The following VWC2 variants were observed in gnomAD, a reference collection of about 807,000 sequenced individuals.
VWC2 encodes the protein von Willebrand factor C domain containing 2.
A neutral mutation model predicts 29.8 loss-of-function variants in VWC2; 14 were observed. The observed-to-expected ratio is 0.47, with a 90% CI of 0.31 to 0.74. The LOEUF is 0.74. Ranked by LOEUF, VWC2 falls within the 30% of genes least tolerant of loss-of-function variation. The pLI is 0.05. For missense variants in VWC2, 457 were observed against 459.8 expected, an observed-to-expected ratio of 0.99 and a Z score of 0.05; for synonymous variants, 213 against 199.0, an observed-to-expected ratio of 1.07 and a Z score of -0.59.
In VWC2 at chr7:49,877,475, AAAAAAAATATATAT is replaced by A. The variant is rs1484520913; in HGVS notation, c.827-34557_827-34544del. On this transcript the variant is annotated intron_variant, in intron 3 of 3. Transcript: ENST00000340652. ...GAAACTCTGTCTCAAAAAAAAAAAA[AAAAAAAATATATAT>A]ATATATATATATATATATATATATA... 6.1e-4 allele frequency among the ~76,000 whole-genome samples: 11 copies of A among 18,008 alleles called. 2 individuals are homozygous for A. In the East Asian group the frequency reaches 6.6e-3, roughly 11 times the overall value. The allele number at this position is 18,008 out of a possible 152,430, so 11.8% of individuals were successfully genotyped here.
intron 3 of VWC2, among the ~76,000 whole-genome samples, chr7:49,865,441 C>T (rs560956970): frequency 2.0e-5 from 3 of 152,330 alleles, no homozygotes; most frequent in African/African-American, 7.2e-5. Flanking sequence ...AACGTAGTGG[C>T]TTCAAGTAAC....
chr7:49,891,961 T>C (rs182024983), intron 3 of VWC2, among the ~76,000 whole-genome samples: 1 of 145,298 alleles, frequency 6.9e-6, no homozygotes, highest in Admixed American at 7.0e-5. Flanking sequence ...ATTCATAAAA[T>C]GAAAAGATAC....
intron 3 of VWC2, among the ~76,000 whole-genome samples, chr7:49,861,110 A>G (rs975059286): frequency 6.6e-6 from 1 of 152,214 alleles, no homozygotes; most frequent in Non-Finnish European, 1.5e-5. Context: ...CCAGCAATGG[A>G]CAAGGGTTTC....
At position 49,921,700 on chromosome 7, in the gene VWC2, A is replaced by G. The variant is rs544795946; in HGVS notation, c.*9515A>G. ...TGGAATATGAGACTTGAACATTTTG[A>G]AGATTCTAATAAATGAATAATTTAA... On this transcript the variant is annotated 3_prime_UTR_variant, in exon 4 of 4. Coordinates refer to ENST00000340652, the MANE Select transcript of VWC2 (RefSeq NM_198570.5). 2.0e-5 allele frequency: 3 copies of G among 152,366 alleles called. No homozygotes were observed. The highest frequency in any genetic ancestry group is 6.5e-5 in the Admixed American group (1 of 15,296). The allele number at this position is 152,366 out of a possible 1,614,324, so 9.4% of individuals were successfully genotyped here. A position where few individuals can be genotyped will look rare whatever the true frequency, so the allele number is the denominator to read the frequency against.
At chr7:49,789,081 AGT>A (rs1443669348) in intron 2 of VWC2, among the ~76,000 whole-genome samples, 1 of 124,852 alleles carries the variant, frequency 8.0e-6, no homozygotes, top group Non-Finnish European at 1.7e-5. Context: ...AGTGTGTGAG[AGT>A]GTAGGTTTGG....
chr7:49,882,621 A>G (rs1791717581), intron 3 of VWC2, among the ~76,000 whole-genome samples: 1 of 152,124 alleles, frequency 6.6e-6, no homozygotes, highest in African/African-American at 2.4e-5. Context: ...GAAAGGAGGC[A>G]GGGAGAGAGA....
At chr7:49,790,944 C>T (rs767292690) in intron 2 of VWC2, among the ~76,000 whole-genome samples, 4 of 152,034 alleles carry the variant, frequency 2.6e-5, no homozygotes, top group Non-Finnish European at 5.9e-5. Flanking sequence ...GAGCCATTTG[C>T]GCTCCAGGAT....
At chr7:49,867,882 G>T (rs924197983) in intron 3 of VWC2, among the ~76,000 whole-genome samples, 2 of 150,102 alleles carry the variant, frequency 1.3e-5, no homozygotes, top group Non-Finnish European at 3.0e-5. Context: ...TGCCCATGCT[G>T]GAGTGCAATG....
rs1354098883 is a variant in VWC2 at position 49,886,068 on chromosome 7, T to C, written c.827-25966T>C. 3.3e-5 allele frequency among the ~76,000 whole-genome samples: 5 copies of C among 152,122 alleles called. No homozygotes were observed. The East Asian group carries it at 5.8e-4, about 18-fold the overall frequency. On this transcript the variant is annotated intron_variant, in intron 3 of 3. Transcript: ENST00000340652. ...AGCAGTGTGTGCAAGAGCCTGGAGA[T>C]AGGGGAGAGGTCCAGACTGGAGGCG...
intron 3 of VWC2, among the ~76,000 whole-genome samples, chr7:49,848,047 G>C (rs1790023100): frequency 6.6e-6 from 1 of 152,180 alleles, no homozygotes; most frequent in South Asian, 2.1e-4. Flanking sequence ...AACATGGGTG[G>C]GAAGTCGGAA....
chr7:49,829,212 T>C (rs767736134), intron 3 of VWC2, among the ~76,000 whole-genome samples: 1 of 152,254 alleles, frequency 6.6e-6, no homozygotes, highest in Non-Finnish European at 1.5e-5. Flanking sequence ...GCTTAAAATG[T>C]TGCAAGGCTG....
chr7:49,897,184 C>T (rs1247534297), intron 3 of VWC2, among the ~76,000 whole-genome samples: 4 of 152,010 alleles, frequency 2.6e-5, no homozygotes, highest in South Asian at 2.1e-4. Context: ...CGTGAGCCAC[C>T]GCGCCCGGCC....
At chr7:49,778,787 C>G (rs1459654831) in intron 2 of VWC2, among the ~76,000 whole-genome samples, 1 of 152,158 alleles carries the variant, frequency 6.6e-6, no homozygotes, top group Non-Finnish European at 1.5e-5. Flanking sequence ...TTCTGGGTTT[C>G]AGAGAGAGAT....
intron 3 of VWC2, among the ~76,000 whole-genome samples, chr7:49,812,830 G>A (rs1273414289): frequency 6.6e-6 from 1 of 152,150 alleles, no homozygotes; most frequent in Non-Finnish European, 1.5e-5. Flanking sequence ...TTTGTGATTG[G>A]CTGAAGCCCA....
intron 3 of VWC2, among the ~76,000 whole-genome samples, chr7:49,865,040 C>G (rs1364502545): frequency 1.3e-5 from 2 of 152,044 alleles, no homozygotes; most frequent in Non-Finnish European, 2.9e-5. Flanking sequence ...TATATTTATT[C>G]TTAAAGATCT....
chr7:49,856,178 A>C (rs144572163), intron 3 of VWC2, among the ~76,000 whole-genome samples: 29 of 152,268 alleles, frequency 1.9e-4, no homozygotes, highest in African/African-American at 6.7e-4. Context: ...CTCATGTTGA[A>C]ATGTGATCCC....
intron 2 of VWC2, among the ~76,000 whole-genome samples, chr7:49,801,267 C>A (rs1278078915): frequency 1.3e-5 from 2 of 152,186 alleles, no homozygotes; most frequent in African/African-American, 4.8e-5. Flanking sequence ...GTATCATGGA[C>A]GTGGGGCACA....
chr7:49,823,138 AGT>A (rs1789302960), intron 3 of VWC2, among the ~76,000 whole-genome samples: 1 of 152,204 alleles, frequency 6.6e-6, no homozygotes, highest in Non-Finnish European at 1.5e-5. Context: ...TGAGTGCTCC[AGT>A]GTGTTTTATA....
intron 3 of VWC2, among the ~76,000 whole-genome samples, chr7:49,809,008 C>A (rs115466949): frequency 0.025 from 3,776 of 151,956 alleles, 178 homozygotes; most frequent in African/African-American, 0.086. Flanking sequence ...TAAAAGCATG[C>A]AGAAGGAACT....
Sources: gnomAD v4.1 joint callset for allele counts (sites outside exome capture counted in the v4.1 genomes callset) on GRCh38, gnomAD v4.1.1 for gene constraint, MANE v1.5 for transcripts, NCBI Gene and HGNC (gene_info 2026-07-23, HGNC 2026-07-21) for gene names.